SPMAP2: variants seen among roughly 807,000 people sequenced by gnomAD.
SPMAP2 encodes Theg homolog.
the SPMAP2 span, chr19:373,452 G>A: frequency 6.2e-7 from 1 of 1,612,686 alleles, no homozygotes; most frequent in Non-Finnish European, 8.5e-7. Flanking sequence ...GGTCTCAGCA[G>A]GCACGGGCTC....
the SPMAP2 span, among the ~76,000 whole-genome samples, chr19:369,083 T>C: frequency 6.0e-4 from 92 of 152,296 alleles, 1 homozygote; most frequent in African/African-American, 2.2e-3. Flanking sequence ...CCTTGTCTGT[T>C]AGAAATTCCT....
chr19:373,011 T>C, the SPMAP2 span, among the ~76,000 whole-genome samples: 4 of 152,134 alleles, frequency 2.6e-5, no homozygotes, highest in African/African-American at 9.7e-5. Context: ...ACCCACAGGC[T>C]GGGAAAATGG....
At chr19:373,675 G>A in the SPMAP2 span, 13 of 730,694 alleles carry the variant, frequency 1.8e-5, no homozygotes, top group Middle Eastern at 3.3e-4. Flanking sequence ...GGACAGTGGG[G>A]GGGCCGGCGG....
chr19:369,035 A>G, the SPMAP2 span, among the ~76,000 whole-genome samples: 1 of 152,206 alleles, frequency 6.6e-6, no homozygotes, highest in African/African-American at 2.4e-5. Context: ...TTCACTTTTT[A>G]GTGTGATCAG....
At chr19:362,325 G>A in the SPMAP2 span, 12 of 1,610,716 alleles carry the variant, frequency 7.5e-6, no homozygotes, top group African/African-American at 1.6e-4. Context: ...GGCTTGGCCA[G>A]GGAGATGATC....
chr19:364,627 C>A, the SPMAP2 span, among the ~76,000 whole-genome samples: 2 of 152,222 alleles, frequency 1.3e-5, no homozygotes, highest in African/African-American at 4.8e-5. Context: ...GGTTCACCCC[C>A]CTCTCCACCT....
At chr19:371,315 G>A in the SPMAP2 span, 1 of 1,471,112 alleles carries the variant, frequency 6.8e-7, no homozygotes, top group Non-Finnish European at 9.0e-7. Context: ...GGCCAGACAG[G>A]AGTCGTCCTG....
chr19:366,405 C>T, the SPMAP2 span, among the ~76,000 whole-genome samples: 4 of 152,172 alleles, frequency 2.6e-5, no homozygotes, highest in East Asian at 1.9e-4. Context: ...GTGTGTGTGG[C>T]GAGCACAAGT....
At chr19:371,228 A>C in the SPMAP2 span, 3 of 1,491,092 alleles carry the variant, frequency 2.0e-6, no homozygotes, top group Non-Finnish European at 2.7e-6. Flanking sequence ...ATGCTCCAGA[A>C]GTTATCACGA....
chr19:374,388 G>C, the SPMAP2 span: 8 of 1,614,146 alleles, frequency 5.0e-6, no homozygotes, highest in Non-Finnish European at 5.9e-6. Flanking sequence ...TGGTCATGGT[G>C]GTGCTGGGGA....
the SPMAP2 span, among the ~76,000 whole-genome samples, chr19:368,731 C>G: frequency 2.6e-5 from 4 of 152,194 alleles, no homozygotes; most frequent in African/African-American, 9.7e-5. The surrounding 1 kb of genome is among the most constrained non-coding windows in gnomAD (Gnocchi z 4.1). Flanking sequence ...ATCACAGACA[C>G]ATCTCTCAGC....
chr19:373,065 T>C, the SPMAP2 span, among the ~76,000 whole-genome samples: 1 of 152,108 alleles, frequency 6.6e-6, no homozygotes, highest in African/African-American at 2.4e-5. Flanking sequence ...TCCAGGGGCC[T>C]AGTGATGACT....
At chr19:369,197 C>A in the SPMAP2 span, among the ~76,000 whole-genome samples, 1 of 152,124 alleles carries the variant, frequency 6.6e-6, no homozygotes, top group Non-Finnish European at 1.5e-5. Flanking sequence ...GAAGACGCGA[C>A]CACACACAGT....
the SPMAP2 span, among the ~76,000 whole-genome samples, chr19:362,720 C>T: frequency 1.4e-5 from 2 of 144,158 alleles, no homozygotes; most frequent in African/African-American, 5.2e-5. Context: ...GAGCGCAGAT[C>T]GCGTCACTGC....
At chr19:366,707 A>G in the SPMAP2 span, among the ~76,000 whole-genome samples, 1 of 152,182 alleles carries the variant, frequency 6.6e-6, no homozygotes, top group Non-Finnish European at 1.5e-5. Context: ...CTAAATGGCC[A>G]AGCAACTTCT....
the SPMAP2 span, chr19:374,223 C>A: frequency 6.3e-7 from 1 of 1,584,198 alleles, no homozygotes; most frequent in Non-Finnish European, 8.6e-7. Context: ...GCAGTGGGGA[C>A]AGGAGGAGCC....
chr19:371,364 GT>G, the SPMAP2 span: 1 of 920,932 alleles, frequency 1.1e-6, no homozygotes, highest in Admixed American at 2.9e-5. Context: ...TCGGCCGGGG[GT>G]GGGGGTGTGT....
the SPMAP2 span, among the ~76,000 whole-genome samples, chr19:373,316 C>T: frequency 1.3e-5 from 2 of 152,198 alleles, no homozygotes; most frequent in Admixed American, 6.5e-5. Flanking sequence ...CCAGTCTCAG[C>T]TCTAGCTCCT....
chr19:372,687 G>A, the SPMAP2 span: 325 of 1,614,038 alleles, frequency 2.0e-4, no homozygotes, highest in African/African-American at 3.0e-3. Context: ...GTTCCTCCAC[G>A]CGGCGGGACA....
Sources: allele counts gnomAD v4.1 joint callset (sites outside exome capture counted in the v4.1 genomes callset), GRCh38; gene constraint gnomAD v4.1.1; non-coding constraint Gnocchi (gnomAD v3.1); transcripts MANE v1.5; gene names NCBI Gene and HGNC (gene_info 2026-07-23, HGNC 2026-07-21).